The following ATP8A1 variants were observed in gnomAD, a reference collection of about 807,000 sequenced individuals.
ATP8A1 encodes the protein ATPase phospholipid transporting 8A1.
ATP8A1 carries 90 observed loss-of-function variants against 177.7 expected under a neutral mutation model. The observed-to-expected ratio is 0.51, with a 90% CI of 0.43 to 0.60. The LOEUF is 0.60. ATP8A1 is among the 20% of genes least tolerant of loss of function. The probability of loss-of-function intolerance (pLI) is 0.00; values close to 1 mark genes in which losing one functional copy is unlikely to be tolerated. For missense variants in ATP8A1, 1,072 were observed against 1,392.8 expected, an observed-to-expected ratio of 0.77 and a Z score of 3.67; for synonymous variants, 493 against 485.9, an observed-to-expected ratio of 1.01 and a Z score of -0.19.
chr4:42,536,111 G>A (rs543003643), intron 20 of ATP8A1, among the ~76,000 whole-genome samples: 1 of 152,212 alleles, frequency 6.6e-6, no homozygotes, highest in South Asian at 2.1e-4. Context: ...CAAGATCAGA[G>A]CAGAACTAAA....
intron 35 of ATP8A1, among the ~76,000 whole-genome samples, chr4:42,422,018 C>A (rs1284676617): frequency 6.6e-6 from 1 of 151,860 alleles, no homozygotes; most frequent in African/African-American, 2.4e-5. Flanking sequence ...TAGGTCAGTT[C>A]CTAATAACTA....
At chr4:42,471,547 G>C (rs922728639) in intron 25 of ATP8A1, among the ~76,000 whole-genome samples, 1 of 152,198 alleles carries the variant, frequency 6.6e-6, no homozygotes. Flanking sequence ...TTGATGGTGT[G>C]TATTTGATTA....
In ATP8A1 at chr4:42,411,429, A is replaced by G. The variant is rs1289825957; in HGVS notation, c.*1487T>C. 6.6e-6 allele frequency: 1 copy of G among 152,226 alleles called. No homozygotes were observed. The highest frequency in any genetic ancestry group is 1.5e-5 in the Non-Finnish European group (1 of 68,034). 9.4% of individuals were successfully genotyped at this position (152,226 alleles called of 1,614,324 possible). ...ACCTATTTTGCTGGTAAGTCCATGT[A>G]AAGGCAAGCAGGCTTTTGAGTAAAA... On this transcript the variant is annotated 3_prime_UTR_variant, in exon 37 of 37. Coordinates refer to ENST00000381668, the MANE Select transcript of ATP8A1 (RefSeq NM_006095.2).
intron 1 of ATP8A1, among the ~76,000 whole-genome samples, chr4:42,642,592 G>A (rs539490213): frequency 1.3e-5 from 2 of 152,256 alleles, no homozygotes; most frequent in African/African-American, 4.8e-5. Context: ...TTAAAGCAAT[G>A]ACACCTACAC....
At chr4:42,488,271 C>T (rs1381933672) in intron 24 of ATP8A1, among the ~76,000 whole-genome samples, 1 of 152,190 alleles carries the variant, frequency 6.6e-6, no homozygotes, top group African/African-American at 2.4e-5. Context: ...GGAGGCACTA[C>T]TGTTATCTCC....
At chr4:42,583,995 C>G (rs1733367401) in intron 9 of ATP8A1, among the ~76,000 whole-genome samples, 1 of 152,210 alleles carries the variant, frequency 6.6e-6, no homozygotes, top group African/African-American at 2.4e-5. Flanking sequence ...AACGATCACT[C>G]TGTGAAAATT....
intron 24 of ATP8A1, among the ~76,000 whole-genome samples, chr4:42,497,676 G>A (rs1723423889): frequency 1.3e-5 from 2 of 152,190 alleles, no homozygotes; most frequent in Admixed American, 1.3e-4. Flanking sequence ...AATTCTATGA[G>A]CCCAGACAAT....
At chr4:42,522,586 C>T (rs767715587) in intron 21 of ATP8A1, among the ~76,000 whole-genome samples, 78 of 152,166 alleles carry the variant, frequency 5.1e-4, no homozygotes, top group Non-Finnish European at 1.0e-3. Flanking sequence ...TTCTTTGCTT[C>T]GAATCTTCCA....
At chr4:42,617,226 A>T (rs989655797) in intron 4 of ATP8A1, among the ~76,000 whole-genome samples, 3 of 152,162 alleles carry the variant, frequency 2.0e-5, no homozygotes, top group African/African-American at 7.2e-5. Context: ...GGCAGCATAC[A>T]CTCAGTCTGT....
At chr4:42,638,665 T>C (rs373668500) in intron 1 of ATP8A1, among the ~76,000 whole-genome samples, 32 of 152,284 alleles carry the variant, frequency 2.1e-4, no homozygotes, top group African/African-American at 6.5e-4. Context: ...TTTAATGACA[T>C]CTCCTTGGGA....
chr4:42,587,376 C>T (rs1355375692), intron 8 of ATP8A1, among the ~76,000 whole-genome samples: 9 of 140,800 alleles, frequency 6.4e-5, no homozygotes, highest in East Asian at 2.2e-4. Flanking sequence ...GGCATGATCT[C>T]GGCTCACTAC....
chr4:42,430,629 C>T (rs1224635336), intron 33 of ATP8A1, among the ~76,000 whole-genome samples: 2 of 152,134 alleles, frequency 1.3e-5, no homozygotes, highest in Non-Finnish European at 2.9e-5. Context: ...TCTCTTCTCC[C>T]ACCTTCCACC....
chr4:42,605,192 A>T (rs919146483), intron 5 of ATP8A1, among the ~76,000 whole-genome samples: 9 of 152,242 alleles, frequency 5.9e-5, no homozygotes, highest in Admixed American at 3.9e-4. Flanking sequence ...TGAATTAAAA[A>T]ATAGCTACAG....
chr4:42,537,264 T>C (rs4861033), intron 20 of ATP8A1, among the ~76,000 whole-genome samples: 47,871 of 151,784 alleles, frequency 0.32, 8,901 homozygotes, highest in East Asian at 0.57. Flanking sequence ...AGAAGAGGCA[T>C]ACCTTAAGGT....
At chr4:42,444,862 G>GCCTCTCCCTCA (rs1200365533) in intron 31 of ATP8A1, among the ~76,000 whole-genome samples, 3 of 152,152 alleles carry the variant, frequency 2.0e-5, no homozygotes, top group Non-Finnish European at 4.4e-5. Flanking sequence ...CGGCTTCCTT[G>GCCTCTCCCTCA]CCTCTCCCTC....
Position 42,624,686 on chromosome 4 carries a change from T to C in ATP8A1, c.265-52A>G, listed in dbSNP as rs761769581. 2.4e-5 allele frequency: 25 copies of C among 1,022,838 alleles called. No homozygotes were observed. In the African/African-American group the frequency reaches 4.0e-4, roughly 16 times the overall value. 63.4% of individuals were successfully genotyped at this position (1,022,838 alleles called of 1,614,324 possible). A position where few individuals can be genotyped will look rare whatever the true frequency, so the allele number is the denominator to read the frequency against. On this transcript the variant is annotated intron_variant, in intron 3 of 36. Coordinates refer to ENST00000381668, the MANE Select transcript of ATP8A1 (RefSeq NM_006095.2). ...AATCCAATGAGAACTAGAAAATTTA[T>C]AATAGATTCAAGAAAACAGTCTCAG...
intron 25 of ATP8A1, among the ~76,000 whole-genome samples, chr4:42,478,687 G>GTTT (rs1402128316): frequency 6.6e-6 from 1 of 152,172 alleles, no homozygotes; most frequent in Non-Finnish European, 1.5e-5. Flanking sequence ...CTTGCTGGGG[G>GTTT]TTTTCCTAGA....
chr4:42,535,897 A>T lies in ATP8A1; in HGVS notation c.1722+8020T>A, dbSNP rs188215026. ...CAACAATGAAATCAAGATGGAAATT[A>T]AAAAATGACTTGAACTGAATAATAG... is the stretch of plus-strand genomic sequence containing the variant. On this transcript the variant is annotated intron_variant, in intron 20 of 36. Transcript: ENST00000381668. Among the ~76,000 whole-genome samples the T allele has an allele frequency of 1.6e-4, 24 of 152,352 alleles. 1 individual carries two copies. The East Asian group carries it at 4.2e-3, about 27-fold the overall frequency.
rs1328693519 is a variant in ATP8A1, at chr4:42,455,509, A to G, written c.2694+16T>C. On this transcript the variant is annotated intron_variant, in intron 28 of 36. Transcript: ENST00000381668. ...GTATTCAATGAAACAGGAATTATCA[A>G]ATGTCCTAAACTTACCACGTTATAG... is the stretch of plus-strand genomic sequence containing the variant. 6.2e-7 allele frequency: 1 copy of G among 1,613,580 alleles called. No homozygotes were observed. Among genetic ancestry groups the G allele is most frequent in the South Asian group, 1.1e-5 (1 of 91,016 alleles).
Sources: allele counts gnomAD v4.1 joint callset (sites outside exome capture counted in the v4.1 genomes callset), GRCh38; gene constraint gnomAD v4.1.1; transcripts MANE v1.5; gene names NCBI Gene and HGNC (gene_info 2026-07-23, HGNC 2026-07-21).